SHISA6: variants seen among roughly 807,000 people sequenced by gnomAD.
SHISA6 encodes the protein protein shisa-6.
Under a neutral mutation model 47.9 loss-of-function variants are expected in SHISA6, and 22 were observed. That is an observed-to-expected ratio of 0.46 (90% confidence interval 0.33 to 0.66). SHISA6 has a LOEUF of 0.66. SHISA6 is among the 30% of genes least tolerant of loss of function. The pLI is 0.02. For synonymous variants in SHISA6, 388 were observed against 337.8 expected, an observed-to-expected ratio of 1.15 and a Z score of -1.63; for missense variants, 680 against 764.6, an observed-to-expected ratio of 0.89 and a Z score of 1.30.
chr17:11,555,756 C>A lies in SHISA6; in HGVS notation c.969C>A (p.Asn323Lys), dbSNP rs555548608. 3 of 1,546,636 alleles carry A rather than the reference C, an allele frequency of 1.9e-6. No individual in the cohort carries two copies. The highest frequency in any genetic ancestry group is 4.0e-5 in the Admixed American group (2 of 49,502). The change falls in exon 5 of 6, where the codon AAC becomes AAA. Residue 323 changes from asparagine to lysine, a missense_variant. Physicochemically the swap from Asn to Lys is moderately conservative, Grantham distance 94. Around this residue, in one of 2 missense-constraint regions of SHISA6, gnomAD observed 559 missense variants for 674.1 expected, o/e 0.83. Transcript: ENST00000441885. The stretch of plus-strand genomic sequence containing the variant: ...TTCTTGCAGAGAAGCCACGGATGAA[C>A]AACATCCTGACATCAGCCACCGAGC... ...QIPPHEKPRM[N>K]NILTSATEPY... is the part of the protein sequence containing the mutation.
At chr17:11,285,708 C>A (rs948491204) in intron 2 of SHISA6, among the ~76,000 whole-genome samples, 2 of 152,108 alleles carry the variant, frequency 1.3e-5, no homozygotes, top group Non-Finnish European at 2.9e-5. Flanking sequence ...AACCTGTGGT[C>A]AAGACACAGA....
At chr17:11,407,493 G>GT (rs35828366) in intron 3 of SHISA6, among the ~76,000 whole-genome samples, 24,591 of 150,264 alleles carry the variant, frequency 0.16, 2,065 homozygotes, top group African/African-American at 0.2. Context: ...TTAGCATATT[G>GT]TTTTTTTTTT....
chr17:11,450,956 G>A (rs943455000), intron 3 of SHISA6, among the ~76,000 whole-genome samples: 5 of 149,512 alleles, frequency 3.3e-5, no homozygotes, highest in African/African-American at 1.2e-4. Context: ...TCTCTGATAA[G>A]GAGCAAGGTA....
At chr17:11,445,944 C>G (rs555504329) in intron 3 of SHISA6, among the ~76,000 whole-genome samples, 7 of 152,344 alleles carry the variant, frequency 4.6e-5, no homozygotes, top group Admixed American at 2.6e-4. Flanking sequence ...TCTCCTGCCT[C>G]GGCGTCCTGA....
chr17:11,275,906 T>A (rs1044933234), intron 2 of SHISA6, among the ~76,000 whole-genome samples: 2 of 152,108 alleles, frequency 1.3e-5, no homozygotes, highest in African/African-American at 4.8e-5. Flanking sequence ...TTATAGCGAG[T>A]AGAGATATGA....
intron 2 of SHISA6, among the ~76,000 whole-genome samples, chr17:11,267,638 G>A (rs144229763): frequency 0.016 from 2,504 of 152,286 alleles, 21 homozygotes; most frequent in Middle Eastern, 0.034. Context: ...TGAGGGAACT[G>A]GAGGAAAGCT....
intron 2 of SHISA6, among the ~76,000 whole-genome samples, chr17:11,350,421 CCA>C (rs1453157460): frequency 2.0e-5 from 3 of 151,632 alleles, no homozygotes; most frequent in African/African-American, 7.3e-5. Context: ...ACCTTGTGAT[CCA>C]CCCACCTCAG....
chr17:11,379,533 TA>T (rs1567589479), intron 3 of SHISA6, 24 bp downstream of exon 3: 1 of 1,486,818 alleles, frequency 6.7e-7, no homozygotes, highest in Admixed American at 2.1e-5. Flanking sequence ...CATTTTTTAC[TA>T]AAATACAGAG....
intron 3 of SHISA6, among the ~76,000 whole-genome samples, chr17:11,406,698 G>A (rs370313352): frequency 1.2e-3 from 187 of 152,216 alleles, no homozygotes; most frequent in Middle Eastern, 6.8e-3. Flanking sequence ...AGAGCAGCAG[G>A]TTACATGACA....
rs1908308837 is a variant in SHISA6 at position 11,263,360 on chromosome 17, G to T, written c.639-6G>T. 6.4e-7 allele frequency: 1 copy of T among 1,551,832 alleles called. No homozygotes were observed. Among genetic ancestry groups the T allele is most frequent in the Non-Finnish European group, 8.7e-7 (1 of 1,147,048 alleles). Reference sequence around the variant, plus strand: ...AATCTCATTATGTGATCTCCTCCTTGTTTAGGGCTCTGGCTGACATCTTAA... The same window carrying T: ...AATCTCATTATGTGATCTCCTCCTTTTTTAGGGCTCTGGCTGACATCTTAA... On this transcript the variant is annotated splice_polypyrimidine_tract_variant and splice_region_variant and intron_variant, in intron 1 of 5. Coordinates refer to ENST00000441885, the MANE Select transcript of SHISA6 (RefSeq NM_207386.4).
At chr17:11,464,716 G>T (rs1915768047) in intron 3 of SHISA6, among the ~76,000 whole-genome samples, 1 of 152,224 alleles carries the variant, frequency 6.6e-6, no homozygotes, top group Admixed American at 6.5e-5. Context: ...GCCAAGGCAG[G>T]TGGATCACCG....
intron 3 of SHISA6, among the ~76,000 whole-genome samples, chr17:11,447,706 C>T (rs1915272544): frequency 6.6e-6 from 1 of 152,256 alleles, no homozygotes; most frequent in African/African-American, 2.4e-5. Context: ...GACAGCAGAG[C>T]TGCCTCATTA....
At chr17:11,468,605 C>G (rs895174184) in intron 3 of SHISA6, among the ~76,000 whole-genome samples, 3 of 152,128 alleles carry the variant, frequency 2.0e-5, no homozygotes, top group Non-Finnish European at 4.4e-5. Context: ...AAGGGCTAGT[C>G]CAAGCCCGAT....
At chr17:11,296,684 G>C (rs750338414) in intron 2 of SHISA6, among the ~76,000 whole-genome samples, 1 of 152,042 alleles carries the variant, frequency 6.6e-6, no homozygotes. Context: ...GTGATGGGGG[G>C]ATGTCTCCTA....
At chr17:11,391,740 A>G (rs1166439964) in intron 3 of SHISA6, among the ~76,000 whole-genome samples, 2 of 152,120 alleles carry the variant, frequency 1.3e-5, no homozygotes, top group East Asian at 1.9e-4. Context: ...TGTAAATCAG[A>G]GCATTGAAGA....
chr17:11,358,716 T>G (rs1005595262), intron 2 of SHISA6, among the ~76,000 whole-genome samples: 7 of 149,520 alleles, frequency 4.7e-5, no homozygotes, highest in Non-Finnish European at 8.9e-5. Flanking sequence ...CAGGCTGGAG[T>G]GCAGTGGCGG....
chr17:11,347,175 G>A (rs1244671070), intron 2 of SHISA6, among the ~76,000 whole-genome samples: 8 of 151,872 alleles, frequency 5.3e-5, no homozygotes, highest in Non-Finnish European at 2.9e-5. Flanking sequence ...AACTAGAGTT[G>A]GGCATCATTT....
At chr17:11,358,387 C>A (rs901053434) in intron 2 of SHISA6, among the ~76,000 whole-genome samples, 2 of 151,656 alleles carry the variant, frequency 1.3e-5, no homozygotes, top group Admixed American at 6.6e-5. Flanking sequence ...GAGATGGAGT[C>A]GCTCTCCTGT....
chr17:11,426,389 G>T (rs1487317812), intron 3 of SHISA6, among the ~76,000 whole-genome samples: 1 of 152,150 alleles, frequency 6.6e-6, no homozygotes, highest in Non-Finnish European at 1.5e-5. Context: ...AATAATCATG[G>T]CAAGTATGAA....
Sources: gnomAD v4.1 joint callset for allele counts (sites outside exome capture counted in the v4.1 genomes callset) on GRCh38, gnomAD v4.1.1 for gene constraint, gnomAD v4.1.1 regional missense constraint, MANE v1.5 for transcripts, NCBI Gene and HGNC (gene_info 2026-07-23, HGNC 2026-07-21) for gene names.